Variants in UBOX5 observed in about 807,000 individuals in gnomAD.
UBOX5 encodes U-box domain containing 5.
Under a neutral mutation model 39.0 loss-of-function variants are expected in UBOX5, and 28 were observed. The ratio of observed to expected loss-of-function variants is 0.72; its 90% CI spans 0.53 to 0.98. The LOEUF (loss-of-function observed/expected upper bound fraction) is 0.98, where lower values mean the gene tolerates loss of function less well. UBOX5 is among the 50% of genes least tolerant of loss of function. The pLI, the probability that UBOX5 is intolerant of heterozygous loss-of-function variation, is 0.00. For synonymous variants in UBOX5, 283 were observed against 275.5 expected (o/e 1.03, Z -0.27); for missense variants, 585 against 674.4 (o/e 0.87, Z 1.47).
In UBOX5 at chr20:3,109,561, G is replaced by GCCGTATCATTAAA; in HGVS notation, c.*544_*545insTTTAATGATACGG. On this transcript the variant is annotated 3_prime_UTR_variant, in exon 5 of 5. Transcript: ENST00000217173. ...TCCACTTGTGTGGGTGCAGGTGGGCGACAGGAGTGTGTGACACAGACAGGC... is the reference window on the plus strand; with the variant it reads ...TCCACTTGTGTGGGTGCAGGTGGGCGCCGTATCATTAAAACAGGAGTGTGTGACACAGACAGGC... 1 of 167,056 alleles carries GCCGTATCATTAAA rather than the reference G, an allele frequency of 6.0e-6. No individual in the cohort carries two copies. Among genetic ancestry groups the GCCGTATCATTAAA allele is most frequent in the South Asian group, 1.5e-4 (1 of 6,486 alleles). The allele number at this position is 167,056 out of a possible 1,614,324, so 10.3% of individuals were successfully genotyped here.
At position 3,109,567 on chromosome 20, in the gene UBOX5, AGTGTG is replaced by A; in HGVS notation, c.*534_*538del. 6.1e-6 allele frequency: 1 copy of A among 164,230 alleles called. No homozygotes were observed. Among genetic ancestry groups the A allele is most frequent in the South Asian group, 1.7e-4 (1 of 5,974 alleles). 10.2% of individuals were successfully genotyped at this position (164,230 alleles called of 1,614,324 possible). On this transcript the variant is annotated 3_prime_UTR_variant, in exon 5 of 5. Transcript: ENST00000217173. ...TGTGTGGGTGCAGGTGGGCGACAGG[AGTGTG>A]TGACACAGACAGGCACTCCACCAGG...
intron 1 of UBOX5, chr20:3,148,303 G>C: frequency 6.2e-7 from 1 of 1,613,250 alleles, no homozygotes; most frequent in Non-Finnish European, 8.5e-7. Flanking sequence ...TAGGTACTTT[G>C]CGGCCTAAGT....
intron 1 of UBOX5, among the ~76,000 whole-genome samples, chr20:3,135,637 T>C (rs551442993): frequency 1.3e-5 from 2 of 151,830 alleles, no homozygotes; most frequent in South Asian, 4.1e-4. Flanking sequence ...TTAAGTAGAA[T>C]AGAAAATGTC....
In UBOX5 at chr20:3,115,525, C is replaced by T. The variant is rs2066287322; in HGVS notation, c.1256-59G>A. ...GACAGGCTCCGCAAAAGAGAACAGC[C>T]TCAAGTCCTTCGAGGGCTGTAAAAA... On this transcript the variant is annotated intron_variant, in intron 3 of 4. Coordinates refer to ENST00000217173, the MANE Select transcript of UBOX5 (RefSeq NM_014948.4). 5.9e-6 allele frequency: 9 copies of T among 1,531,272 alleles called. No homozygotes were observed. In the South Asian group the frequency reaches 6.3e-5, roughly 11 times the overall value. 94.9% of individuals were successfully genotyped at this position (1,531,272 alleles called of 1,614,324 possible).
At chr20:3,154,513 C>T (rs914958234) in intron 1 of UBOX5, among the ~76,000 whole-genome samples, 2 of 151,992 alleles carry the variant, frequency 1.3e-5, no homozygotes, top group Non-Finnish European at 2.9e-5. Flanking sequence ...GAGACCCCCA[C>T]CTCTACAAAA....
At chr20:3,122,747 T>C (rs193292020) in intron 2 of UBOX5, among the ~76,000 whole-genome samples, 163 bp from the exon 3 acceptor site, 258 of 152,206 alleles carry the variant, frequency 1.7e-3, no homozygotes, top group Middle Eastern at 0.01. Flanking sequence ...CCAAGGGCAA[T>C]TGTCCCAGAT....
intron 1 of UBOX5, among the ~76,000 whole-genome samples, chr20:3,158,563 TC>T (rs1405772087): frequency 6.6e-6 from 1 of 152,140 alleles, no homozygotes; most frequent in Non-Finnish European, 1.5e-5. Context: ...ACACTCCGCC[TC>T]CCGGGGTTCA....
intron 1 of UBOX5, among the ~76,000 whole-genome samples, chr20:3,158,705 ACCTCGTGAT>A (rs1449048765): frequency 1.3e-5 from 2 of 151,674 alleles, no homozygotes; most frequent in Admixed American, 6.6e-5. Flanking sequence ...CGATCTCCTG[ACCTCGTGAT>A]CCGCCCGCCT....
chr20:3,133,768 A>G (rs1270772796), intron 1 of UBOX5, among the ~76,000 whole-genome samples: 5 of 151,196 alleles, frequency 3.3e-5, no homozygotes, highest in Non-Finnish European at 7.4e-5. Context: ...GGGGGGGGAA[A>G]CAGGCTCTCA....
chr20:3,155,375 C>CAA (rs1430986750), intron 1 of UBOX5, among the ~76,000 whole-genome samples: 1 of 152,066 alleles, frequency 6.6e-6, no homozygotes, highest in East Asian at 1.9e-4. Flanking sequence ...CCTAAAAATA[C>CAA]AAAAAATTAG....
intron 3 of UBOX5, among the ~76,000 whole-genome samples, chr20:3,120,303 C>G (rs1430257415): frequency 6.8e-6 from 1 of 147,352 alleles, no homozygotes; most frequent in Admixed American, 6.8e-5. Flanking sequence ...GCCAATATCA[C>G]GCCACTGCAC....
At chr20:3,124,408 G>A (rs1245635808) in intron 1 of UBOX5, among the ~76,000 whole-genome samples, 1 of 152,192 alleles carries the variant, frequency 6.6e-6, no homozygotes, top group East Asian at 1.9e-4. Context: ...TGCAGACGGA[G>A]TCTCGTTCAC....
At chr20:3,139,423 CTT>C (rs961998123) in intron 1 of UBOX5, among the ~76,000 whole-genome samples, 7 of 152,026 alleles carry the variant, frequency 4.6e-5, no homozygotes, top group African/African-American at 1.4e-4. Flanking sequence ...GAGTTTTGCT[CTT>C]GTTGCCCAGG....
At chr20:3,155,909 T>C (rs185597418) in intron 1 of UBOX5, among the ~76,000 whole-genome samples, 24 of 152,304 alleles carry the variant, frequency 1.6e-4, no homozygotes, top group Non-Finnish European at 2.9e-4. Context: ...AGAAACTGTA[T>C]CTACATACAC....
At chr20:3,143,769 G>C (rs6084273) in intron 1 of UBOX5, among the ~76,000 whole-genome samples, 36,411 of 152,046 alleles carry the variant, frequency 0.24, 5,659 homozygotes, top group Non-Finnish European at 0.35. Context: ...CTCCAGCTGG[G>C]TGACAGAGTG....
chr20:3,137,584 G>C (rs2066482477), intron 1 of UBOX5, among the ~76,000 whole-genome samples: 1 of 152,160 alleles, frequency 6.6e-6, no homozygotes, highest in Non-Finnish European at 1.5e-5. Context: ...ATCTTGCATA[G>C]CTATACTAGA....
chr20:3,154,713 T>C (rs1251521449), intron 1 of UBOX5, among the ~76,000 whole-genome samples: 1 of 152,104 alleles, frequency 6.6e-6, no homozygotes, highest in Non-Finnish European at 1.5e-5. Context: ...AAGAAAATAT[T>C]AGTATATCAT....
At chr20:3,133,370 C>G (rs1392969842) in intron 1 of UBOX5, among the ~76,000 whole-genome samples, 1 of 152,218 alleles carries the variant, frequency 6.6e-6, no homozygotes, top group Non-Finnish European at 1.5e-5. Flanking sequence ...CTTGAACTCA[C>G]TGCAAACACT....
intron 3 of UBOX5, among the ~76,000 whole-genome samples, chr20:3,119,350 C>T (rs1258240475): frequency 2.0e-5 from 3 of 152,162 alleles, no homozygotes; most frequent in Non-Finnish European, 2.9e-5. Context: ...AAATGCTTCC[C>T]CAGTTGATCC....
Sources: allele counts gnomAD v4.1 joint callset (sites outside exome capture counted in the v4.1 genomes callset), GRCh38; gene constraint gnomAD v4.1.1; transcripts MANE v1.5; gene names NCBI Gene and HGNC (gene_info 2026-07-23, HGNC 2026-07-21).